SNX24: variants seen among roughly 807,000 people sequenced by gnomAD.
SNX24 encodes the protein sorting nexin-24.
In SNX24, 22 loss-of-function variants were observed where a neutral mutation model predicts 28.7. The ratio of observed to expected loss-of-function variants is 0.77; its 90% CI spans 0.55 to 1.10. The LOEUF is 1.10. Ranked by LOEUF, SNX24 falls within the 50% of genes least tolerant of loss-of-function variation. The pLI, the probability that SNX24 is intolerant of heterozygous loss-of-function variation, is 0.00. For synonymous variants in SNX24, 69 were observed against 71.5 expected (o/e 0.96, Z 0.18); for missense variants, 221 against 201.1 (o/e 1.10, Z -0.60).
chr5:122,982,056 T>G (rs1448627876), intron 3 of SNX24, among the ~76,000 whole-genome samples: 1 of 152,234 alleles, frequency 6.6e-6, no homozygotes, highest in South Asian at 2.1e-4. Context: ...TCATTTCCTT[T>G]GGCACACACA....
chr5:123,022,741 T>A (rs1762780187), intron 5 of SNX24: 1 of 152,434 alleles, frequency 6.6e-6, no homozygotes, highest in Non-Finnish European at 1.5e-5. Context: ...CACCTCAGCC[T>A]CTTCAGTAGC....
intron 3 of SNX24, among the ~76,000 whole-genome samples, chr5:122,987,716 A>C (rs1369838195): frequency 6.6e-6 from 1 of 152,214 alleles, no homozygotes; most frequent in Non-Finnish European, 1.5e-5. Flanking sequence ...AATGGGAGTC[A>C]GAAAGTACTG....
intron 1 of SNX24, among the ~76,000 whole-genome samples, chr5:122,877,255 G>A (rs1242251022): frequency 3.9e-5 from 6 of 152,188 alleles, no homozygotes; most frequent in Non-Finnish European, 8.8e-5. Context: ...TCTGCATTAG[G>A]TGGGGATAGG....
chr5:122,978,050 G>A (rs992899326), intron 3 of SNX24, among the ~76,000 whole-genome samples: 1 of 152,026 alleles, frequency 6.6e-6, no homozygotes, highest in African/African-American at 2.4e-5. Context: ...ATCCTGGTAA[G>A]ACTTTTCATA....
chr5:122,875,204 C>T (rs1756169210), intron 1 of SNX24, among the ~76,000 whole-genome samples: 1 of 152,080 alleles, frequency 6.6e-6, no homozygotes, highest in South Asian at 2.1e-4. Context: ...TTATTTTATC[C>T]ATGAACTGTT....
intron 1 of SNX24, among the ~76,000 whole-genome samples, chr5:122,864,645 T>G (rs1270168567): frequency 6.6e-5 from 10 of 152,210 alleles, no homozygotes; most frequent in African/African-American, 2.2e-4. Flanking sequence ...TTTCTTGCAC[T>G]GAGTCAGTTC....
At chr5:122,860,223 C>T in intron 1 of SNX24, among the ~76,000 whole-genome samples, 1 of 152,034 alleles carries the variant, frequency 6.6e-6, no homozygotes, top group East Asian at 1.9e-4. Context: ...TAATGTTATG[C>T]CAGAGTCAGG....
At chr5:122,952,281 G>A (rs1050130941) in intron 3 of SNX24, among the ~76,000 whole-genome samples, 1 of 152,174 alleles carries the variant, frequency 6.6e-6, no homozygotes, top group Non-Finnish European at 1.5e-5. Context: ...ATTCTATGCA[G>A]AATACGTGCA....
At chr5:122,889,749 A>G (rs115613542) in intron 1 of SNX24, among the ~76,000 whole-genome samples, 3 of 148,466 alleles carry the variant, frequency 2.0e-5, no homozygotes, top group Admixed American at 1.3e-4. Flanking sequence ...ATGTGTATAT[A>G]TATACATTAT....
chr5:122,926,019 G>C (rs1758680144), intron 1 of SNX24, among the ~76,000 whole-genome samples: 1 of 151,870 alleles, frequency 6.6e-6, no homozygotes, highest in African/African-American at 2.4e-5. Context: ...ATGTTTGTGT[G>C]TGTGTGTGTG....
At chr5:122,958,498 C>T (rs1218085558) in intron 3 of SNX24, among the ~76,000 whole-genome samples, 1 of 152,126 alleles carries the variant, frequency 6.6e-6, no homozygotes, top group Non-Finnish European at 1.5e-5. Flanking sequence ...AGGTGATCCA[C>T]CCACCTTGGC....
intron 1 of SNX24, among the ~76,000 whole-genome samples, chr5:122,872,370 G>C (rs902016167): frequency 1.3e-4 from 19 of 151,912 alleles, no homozygotes; most frequent in African/African-American, 4.6e-4. Flanking sequence ...TAGGCTCCTA[G>C]TGGTATTCTC....
At chr5:122,917,275 G>GA (rs1157315218) in intron 1 of SNX24, among the ~76,000 whole-genome samples, 1 of 149,050 alleles carries the variant, frequency 6.7e-6, no homozygotes, top group African/African-American at 2.5e-5. Context: ...AAAAAAGAAA[G>GA]AAAAAAAAGA....
chr5:123,003,937 C>T (rs1447154114), intron 6 of SNX24, among the ~76,000 whole-genome samples: 2 of 152,246 alleles, frequency 1.3e-5, no homozygotes, highest in Admixed American at 6.5e-5. Flanking sequence ...TCCAGTTTCA[C>T]GAATCAGATT....
At chr5:122,934,002 T>G (rs760016363) in intron 1 of SNX24, among the ~76,000 whole-genome samples, 28 of 151,876 alleles carry the variant, frequency 1.8e-4, no homozygotes, top group Non-Finnish European at 3.8e-4. Flanking sequence ...AGGCTTGTCT[T>G]GAACTCCTGA....
intron 3 of SNX24, among the ~76,000 whole-genome samples, chr5:122,957,412 A>G (rs1392442472): frequency 6.6e-6 from 1 of 152,178 alleles, no homozygotes; most frequent in East Asian, 1.9e-4. Flanking sequence ...GTTTTCATTT[A>G]CTATAGCTTT....
intron 5 of SNX24, chr5:123,023,807 A>AACAAACACAC: frequency 7.7e-7 from 1 of 1,293,844 alleles, no homozygotes; most frequent in South Asian, 2.0e-5. Context: ...AAGACAACAC[A>AACAAACACAC]ACACACACAC....
chr5:122,980,798 A>G (rs190885699), intron 3 of SNX24, among the ~76,000 whole-genome samples: 1 of 151,934 alleles, frequency 6.6e-6, no homozygotes, highest in East Asian at 1.9e-4. Context: ...GGAAAAGAGT[A>G]TTTGGCATCA....
In SNX24 at chr5:122,852,504, C is replaced by T. The variant is rs115811635; in HGVS notation, c.60+6811C>T. On this transcript the variant is annotated intron_variant, in intron 1 of 6. Transcript: ENST00000261369. ...GACTACAGGTGCATGCCATCATGTC[C>T]GGCAAATTTTGTATTTTTGCTAGAG... 4.3e-3 allele frequency among the ~76,000 whole-genome samples: 649 copies of T among 152,140 alleles called. 2 individuals carry two copies. Among genetic ancestry groups the T allele is most frequent in the African/African-American group, 0.015 (602 of 41,508 alleles).
Sources: allele counts gnomAD v4.1 joint callset (sites outside exome capture counted in the v4.1 genomes callset), GRCh38; gene constraint gnomAD v4.1.1; transcripts MANE v1.5; gene names NCBI Gene and HGNC (gene_info 2026-07-23, HGNC 2026-07-21).